The following PLAAT3 variants were observed in gnomAD, a reference collection of about 807,000 sequenced individuals.
PLAAT3 encodes the protein Ca-independent phospholipase A1/2.
In PLAAT3, 21 loss-of-function variants were observed where a neutral mutation model predicts 16.7. That is an observed-to-expected ratio of 1.26 (90% CI 0.89 to 1.81). PLAAT3 has a LOEUF of 1.81. PLAAT3 is among the 40% of genes most tolerant of loss of function. The pLI is 0.00. For missense variants in PLAAT3, 219 were observed against 213.7 expected (o/e 1.02, Z -0.16); for synonymous variants, 76 against 81.7 (o/e 0.93, Z 0.38).
At chr11:63,581,499 G>C (rs1040087959) in intron 4 of PLAAT3, among the ~76,000 whole-genome samples, 1 of 152,138 alleles carries the variant, frequency 6.6e-6, no homozygotes, top group African/African-American at 2.4e-5. Context: ...TTCCAGCCTG[G>C]TAAATTCTAG....
At chr11:63,610,329 C>A (rs1203833936) in intron 2 of PLAAT3, among the ~76,000 whole-genome samples, 1 of 152,238 alleles carries the variant, frequency 6.6e-6, no homozygotes, top group Non-Finnish European at 1.5e-5. Flanking sequence ...GCCTCCACAG[C>A]CAAGCCATAG....
chr11:63,589,378 A>AAG (rs1938073861), intron 4 of PLAAT3, among the ~76,000 whole-genome samples: 1 of 150,898 alleles, frequency 6.6e-6, no homozygotes, highest in South Asian at 2.1e-4. Context: ...ACAGCCATGT[A>AAG]AGAACCTTCC....
intron 4 of PLAAT3, among the ~76,000 whole-genome samples, chr11:63,583,935 G>T (rs1565248007): frequency 6.6e-6 from 1 of 152,128 alleles, no homozygotes; most frequent in Non-Finnish European, 1.5e-5. Context: ...CTAATGTGCT[G>T]CCTTCACTTT....
chr11:63,596,626 A>C (rs1038548058), intron 3 of PLAAT3, among the ~76,000 whole-genome samples: 1 of 151,688 alleles, frequency 6.6e-6, no homozygotes, highest in African/African-American at 2.4e-5. Flanking sequence ...ATCAGGCATT[A>C]GATTCTCATA....
intron 2 of PLAAT3, among the ~76,000 whole-genome samples, chr11:63,603,751 C>G (rs923895938): frequency 1.7e-4 from 6 of 34,534 alleles, no homozygotes; most frequent in African/African-American, 6.0e-4. Context: ...CACACACACA[C>G]ACAGACAGAG....
chr11:63,603,008 C>T (rs781416390), intron 2 of PLAAT3, among the ~76,000 whole-genome samples: 4 of 152,172 alleles, frequency 2.6e-5, no homozygotes, highest in African/African-American at 4.8e-5. Context: ...CAGGGAGAAT[C>T]GCTTGAACCC....
chr11:63,590,087 G>A lies in PLAAT3; in HGVS notation c.387+13C>T, dbSNP rs751496857. Reference sequence around the variant, plus strand: ...CTGGTTCCTGGGGAAGGCGACACAGGCAGAGGACGCACCTGGTCACTGCGG... The same window carrying A: ...CTGGTTCCTGGGGAAGGCGACACAGACAGAGGACGCACCTGGTCACTGCGG... On this transcript the variant is annotated intron_variant, in intron 4 of 4. Transcript: ENST00000415826. 6.2e-7 allele frequency: 1 copy of A among 1,609,166 alleles called. No individual in the cohort carries two copies. The highest frequency in any genetic ancestry group is 8.5e-7 in the Non-Finnish European group (1 of 1,176,476).
chr11:63,596,236 T>TC lies in PLAAT3; in HGVS notation c.118+1824dup, dbSNP rs1491440925. ...GCCTGGGCGACAGAGCGAGACTCTG[T>TC]CAAAAAAAAAAAAAAAAAAAAAAAA... is the stretch of plus-strand genomic sequence containing the variant. On this transcript the variant is annotated intron_variant, in intron 3 of 4. Transcript: ENST00000415826. Among the ~76,000 whole-genome samples the TC allele has an allele frequency of 2.0e-3, 97 of 49,492 alleles. 2 individuals are homozygous for TC. The East Asian group carries it at 0.043, about 22-fold the overall frequency. The allele number at this position is 49,492 out of a possible 152,430, so 32.5% of individuals were successfully genotyped here.
Position 63,575,523 on chromosome 11 carries a change from A to T in PLAAT3, c.388-477T>A, listed in dbSNP as rs551203441. On this transcript the variant is annotated intron_variant, in intron 4 of 4. Transcript: ENST00000415826. ...TGCCTGGTCCTGCCAGGCATGGAGG[A>T]TGGAGGTACTCTTCACATGTTCTTA... is the stretch of plus-strand genomic sequence containing the variant. Among the ~76,000 whole-genome samples, 4 of 152,334 alleles carry T rather than the reference A, an allele frequency of 2.6e-5. No homozygotes were observed. The South Asian group carries it at 8.3e-4, about 32-fold the overall frequency.
intron 2 of PLAAT3, among the ~76,000 whole-genome samples, chr11:63,602,318 A>G (rs966682885): frequency 6.6e-6 from 1 of 152,064 alleles, no homozygotes; most frequent in Admixed American, 6.6e-5. Context: ...AAAGGGAACA[A>G]ATAAACACAG....
chr11:63,614,436 T>G, upstream of PLAAT3: 1 of 169,738 alleles, frequency 5.9e-6, no homozygotes, highest in East Asian at 1.6e-4. Flanking sequence ...CCGGGTCTAA[T>G]GGCCGCGGTG....
intron 4 of PLAAT3, among the ~76,000 whole-genome samples, chr11:63,586,875 G>A (rs577037516): frequency 1.3e-5 from 2 of 152,308 alleles, no homozygotes; most frequent in South Asian, 4.1e-4. Flanking sequence ...CTTGCAGTCA[G>A]GAGTTCCAGA....
chr11:63,576,660 C>T (rs2017665987), intron 4 of PLAAT3, among the ~76,000 whole-genome samples: 1 of 152,040 alleles, frequency 6.6e-6, no homozygotes, highest in African/African-American at 2.4e-5. Context: ...GTGATCTCAA[C>T]AATACAATGA....
chr11:63,603,563 A>G (rs1204260847), intron 2 of PLAAT3, among the ~76,000 whole-genome samples: 1 of 151,954 alleles, frequency 6.6e-6, no homozygotes, highest in Non-Finnish European at 1.5e-5. Context: ...GCAAACCACC[A>G]TGGCACACTT....
chr11:63,587,163 C>T (rs145900204), intron 4 of PLAAT3, among the ~76,000 whole-genome samples: 2 of 152,112 alleles, frequency 1.3e-5, no homozygotes, highest in Non-Finnish European at 2.9e-5. Context: ...GATCCAATAG[C>T]CTAATAATAG....
At chr11:63,578,080 C>T (rs1008364199) in intron 4 of PLAAT3, among the ~76,000 whole-genome samples, 4 of 151,962 alleles carry the variant, frequency 2.6e-5, no homozygotes, top group Admixed American at 6.6e-5. Flanking sequence ...CTCAGGAGTT[C>T]GAGACCAGCC....
rs961912258 is a variant in PLAAT3 at position 63,590,499 on chromosome 11, C to T, written c.119-131G>A. The T allele has an allele frequency of 1.7e-5, 12 of 718,398 alleles. No homozygotes were observed. The Middle Eastern group carries it at 9.6e-4, about 58-fold the overall frequency. The allele number at this position is 718,398 out of a possible 1,614,324, so 44.5% of individuals were successfully genotyped here. A position where few individuals can be genotyped will look rare whatever the true frequency, so the allele number is the denominator to read the frequency against. ...ATAAGCAACAAGTGGAAGGGTCAGA[C>T]GCATGGCTGTGGGCCTTGGGGAAGG... On this transcript the variant is annotated intron_variant, in intron 3 of 4. Transcript: ENST00000415826.
rs141941726 is a variant in PLAAT3, at chr11:63,580,245, GC to G, written c.388-5200del. ...GAATAACTGGTAGGCAGAATGATAA[GC>G]CCCAAAAGGTGTCCATGTCCTAATT... On this transcript the variant is annotated intron_variant, in intron 4 of 4. Coordinates refer to ENST00000415826, the MANE Select transcript of PLAAT3 (RefSeq NM_001128203.2). Among the ~76,000 whole-genome samples, 317 of 152,310 alleles carry G rather than the reference GC, an allele frequency of 2.1e-3. 1 individual carries two copies. The highest frequency in any genetic ancestry group is 7.5e-3 in the African/African-American group (310 of 41,576).
At chr11:63,577,544 C>T in intron 4 of PLAAT3, among the ~76,000 whole-genome samples, 1 of 127,538 alleles carries the variant, frequency 7.8e-6, no homozygotes, top group Non-Finnish European at 1.7e-5. Context: ...AAATTGAAGA[C>T]AGAGACAAAA....
Sources: allele counts gnomAD v4.1 joint callset (sites outside exome capture counted in the v4.1 genomes callset), GRCh38; gene constraint gnomAD v4.1.1; transcripts MANE v1.5; gene names NCBI Gene and HGNC (gene_info 2026-07-23, HGNC 2026-07-21).